The following ANK3 variants were observed in gnomAD, a reference collection of about 807,000 sequenced individuals.
ANK3 encodes ankyrin 3.
A neutral mutation model predicts 370.9 loss-of-function variants in ANK3; 57 were observed. The ratio of observed to expected loss-of-function variants is 0.15; its 90% CI spans 0.12 to 0.19. ANK3 has a LOEUF of 0.19. ANK3 is among the 10% of genes least tolerant of loss of function. The pLI, the probability that ANK3 is intolerant of heterozygous loss-of-function variation, is 1.00. For synonymous variants in ANK3, 1,929 were observed against 1,946.3 expected, an observed-to-expected ratio of 0.99 and a Z score of 0.23; for missense variants, 4,439 against 5,302.1, an observed-to-expected ratio of 0.84 and a Z score of 5.06.
chr10:60,675,133 G>A (rs2079109026), intron 1 of ANK3, among the ~76,000 whole-genome samples: 1 of 152,138 alleles, frequency 6.6e-6, no homozygotes, highest in African/African-American at 2.4e-5. Flanking sequence ...AAACATTCAG[G>A]TCAAGTTTTA....
chr10:60,543,678 C>T (rs943543556), intron 2 of ANK3, among the ~76,000 whole-genome samples: 1 of 151,992 alleles, frequency 6.6e-6, no homozygotes, highest in Non-Finnish European at 1.5e-5. Flanking sequence ...ATGTCATGCA[C>T]ATGTATTTAT....
At chr10:60,342,153 C>G (rs2054426382) in intron 1 of ANK3, among the ~76,000 whole-genome samples, 1 of 152,046 alleles carries the variant, frequency 6.6e-6, no homozygotes, top group Non-Finnish European at 1.5e-5. Context: ...AAACCTTTGT[C>G]CTCAGGATGG....
intron 28 of ANK3, among the ~76,000 whole-genome samples, chr10:60,100,648 T>C (rs532637791): frequency 2.0e-5 from 3 of 152,302 alleles, no homozygotes; most frequent in African/African-American, 7.2e-5. Context: ...ATTTGAAAGT[T>C]CAGCAATGAC....
intron 1 of ANK3, among the ~76,000 whole-genome samples, chr10:60,284,890 G>A (rs1272748668): frequency 6.6e-6 from 1 of 152,016 alleles, no homozygotes; most frequent in Non-Finnish European, 1.5e-5. Flanking sequence ...AGCTACCTGT[G>A]AGCCATGTGA....
chr10:60,644,002 C>A (rs775107929), intron 1 of ANK3, among the ~76,000 whole-genome samples: 2 of 152,164 alleles, frequency 1.3e-5, no homozygotes, highest in Non-Finnish European at 2.9e-5. Context: ...CCCCTCCTGG[C>A]CCTTTTAACT....
intron 1 of ANK3, among the ~76,000 whole-genome samples, chr10:60,718,207 A>T (rs1443463179): frequency 1.3e-5 from 2 of 152,344 alleles, no homozygotes; most frequent in African/African-American, 4.8e-5. Flanking sequence ...AGACAGTTTT[A>T]GGCCAAATTT....
At chr10:60,183,873 A>C in intron 17 of ANK3, among the ~76,000 whole-genome samples, 1 of 150,424 alleles carries the variant, frequency 6.6e-6, no homozygotes, top group African/African-American at 2.4e-5. Flanking sequence ...AAAAAAAAAA[A>C]GGTATTTATT....
rs550433463 is a variant in ANK3 at position 60,151,380 on chromosome 10, C to T, written c.2615-12293G>A. Among the ~76,000 whole-genome samples, 12 of 152,190 alleles carry T rather than the reference C, an allele frequency of 7.9e-5. No homozygotes were observed. The East Asian group carries it at 9.7e-4, about 12-fold the overall frequency. The stretch of plus-strand genomic sequence containing the variant: ...AGTGAATGCTTGCTCTATTAGTTAC[C>T]GTGAGATGTGATGTTAAAAAGAGCC... On this transcript the variant is annotated intron_variant, in intron 23 of 43. Coordinates refer to ENST00000280772, the MANE Select transcript of ANK3 (RefSeq NM_020987.5).
At chr10:60,220,736 G>A (rs1487172684) in intron 8 of ANK3, among the ~76,000 whole-genome samples, 1 of 152,068 alleles carries the variant, frequency 6.6e-6, no homozygotes, top group East Asian at 1.9e-4. Flanking sequence ...TCCCTAAAAT[G>A]TATACAACCA....
At chr10:60,556,937 T>A (rs976162962) in intron 2 of ANK3, among the ~76,000 whole-genome samples, 1 of 152,196 alleles carries the variant, frequency 6.6e-6, no homozygotes, top group Non-Finnish European at 1.5e-5. Context: ...ATGAGCCCTG[T>A]TGTGAACTGT....
chr10:60,234,346 G>C (rs2097297288), intron 8 of ANK3, among the ~76,000 whole-genome samples: 1 of 152,112 alleles, frequency 6.6e-6, no homozygotes, highest in Non-Finnish European at 1.5e-5. Context: ...ATTTCTACCA[G>C]CAGTGCACAA....
chr10:60,177,991 C>T (rs2096027022), intron 18 of ANK3, among the ~76,000 whole-genome samples: 1 of 152,170 alleles, frequency 6.6e-6, no homozygotes, highest in Non-Finnish European at 1.5e-5. Flanking sequence ...AATAGCCTAA[C>T]TGACCCTGCT....
Position 60,068,746 on chromosome 10 carries a change from G to C in ANK3, c.12135C>G (p.Gly4045=). Residue 4045 remains glycine (G), a synonymous_variant, in exon 37 of 44, where the codon GGC becomes GGG. Transcript: ENST00000280772. ...CAGACTTCGTTGTAACCGAAGGCTG[G>C]CCACCCCGGGAAGTCTCGGACAACG... The part of the protein sequence containing the change: ...NTSLSETSRG[G]QPSVTTKSAR... 2 of 1,614,094 alleles carry C rather than the reference G, an allele frequency of 1.2e-6. No homozygotes were observed. The highest frequency in any genetic ancestry group is 1.7e-6 in the Non-Finnish European group (2 of 1,180,006).
intron 2 of ANK3, among the ~76,000 whole-genome samples, chr10:60,533,075 G>A (rs1325926398): frequency 6.6e-6 from 1 of 152,080 alleles, no homozygotes; most frequent in East Asian, 1.9e-4. Flanking sequence ...CTTGATCCCG[G>A]GACTCTAAAG....
At chr10:60,102,912 T>C (rs1163057666) in intron 28 of ANK3, among the ~76,000 whole-genome samples, 1 of 152,276 alleles carries the variant, frequency 6.6e-6, no homozygotes, top group East Asian at 1.9e-4. Context: ...TAAAGCTTAA[T>C]TGTTATGAAA....
intron 2 of ANK3, among the ~76,000 whole-genome samples, chr10:60,409,228 G>A (rs930663674): frequency 1.3e-5 from 2 of 152,164 alleles, no homozygotes; most frequent in Non-Finnish European, 2.9e-5. Context: ...TTGCTTGCAA[G>A]TTCAGTTCAT....
rs981496315 is a variant in ANK3, at chr10:60,073,445, T to A, written c.7436A>T (p.Asp2479Val). The A allele has an allele frequency of 6.2e-7, 1 of 1,613,940 alleles. No homozygotes were observed. Among genetic ancestry groups the A allele is most frequent in the Non-Finnish European group, 8.5e-7 (1 of 1,179,978 alleles). The change falls in exon 37 of 44, where the codon GAT becomes GTT. Residue 2479 changes from aspartate to valine, a missense_variant. Physicochemically the swap from Asp to Val is radical, Grantham distance 152 (BLOSUM62 -3). Transcript: ENST00000280772. ...LSEKLDVSHS[D>V]TEESVTDHAG... ...ATGGTCTGTAACCGATTCCTCAGTA[T>A]CAGAATGAGACACATCTAGCTTTTC...
chr10:60,733,477 C>T, exon 1 of ANK3: 3 of 589,706 alleles, frequency 5.1e-6, no homozygotes, highest in Non-Finnish European at 7.4e-6. Context: ...CGCGGCCTAT[C>T]CTCCTCCTGC....
chr10:60,311,336 C>T (rs2046301107), intron 1 of ANK3, among the ~76,000 whole-genome samples: 1 of 152,020 alleles, frequency 6.6e-6, no homozygotes, highest in African/African-American at 2.4e-5. Context: ...TATGTGTAGC[C>T]CAAACCTTCT....
Sources: gnomAD v4.1 joint callset for allele counts (sites outside exome capture counted in the v4.1 genomes callset) on GRCh38, gnomAD v4.1.1 for gene constraint, MANE v1.5 for transcripts, NCBI Gene and HGNC (gene_info 2026-07-23, HGNC 2026-07-21) for gene names.